The following TPO variants were observed in gnomAD, a reference collection of about 807,000 sequenced individuals.
TPO encodes the protein thyroid peroxidase, also known as thyroid microsomal antigen.
A neutral mutation model predicts 96.9 loss-of-function variants in TPO; 78 were observed. The observed-to-expected ratio is 0.81, with a 90% CI of 0.67 to 0.97. The LOEUF (loss-of-function observed/expected upper bound fraction) is 0.97, where lower values mean the gene tolerates loss of function less well. Ranked by LOEUF, TPO falls within the 50% of genes least tolerant of loss-of-function variation. The pLI is 0.00. For missense variants in TPO, 1,252 were observed against 1,274.8 expected, an observed-to-expected ratio of 0.98 and a Z score of 0.27; for synonymous variants, 547 against 538.0, an observed-to-expected ratio of 1.02 and a Z score of -0.23.
chr2:1,542,758 C>CTA lies in TPO; in HGVS notation c.*284_*285insTA, dbSNP rs1217371984. 47 of 836,828 alleles carry CTA rather than the reference C, an allele frequency of 5.6e-5. No individual in the cohort carries two copies. The African/African-American group carries it at 7.5e-4, about 13-fold the overall frequency. 51.8% of individuals were successfully genotyped at this position (836,828 alleles called of 1,614,324 possible). Reference sequence around the variant, plus strand: ...CTTTATTTTGTGAACCCTGGAAACACCACTCTTGCAATCCTCCTGTCTCCA... The same window carrying CTA: ...CTTTATTTTGTGAACCCTGGAAACACTACACTCTTGCAATCCTCCTGTCTCCA... On this transcript the variant is annotated 3_prime_UTR_variant, in exon 17 of 17. Transcript: ENST00000329066.
At position 1,456,274 on chromosome 2, in the gene TPO, C is replaced by T; in HGVS notation, c.811C>T (p.Pro271Ser). The T allele has an allele frequency of 1.2e-6, 2 of 1,614,086 alleles. No homozygotes were observed. Among genetic ancestry groups the T allele is most frequent in the Non-Finnish European group, 8.5e-7 (1 of 1,179,996 alleles). The change falls in exon 7 of 17, where the codon CCC (proline) becomes TCC (serine). Residue 271 changes from proline to serine, a missense_variant. By Grantham distance (74) the Pro-to-Ser change is moderately conservative. Coordinates refer to ENST00000329066, the MANE Select transcript of TPO (RefSeq NM_001206744.2). ...TTGTGAGAACCAAAACCCATGTTTT[C>T]CCATACAAGTAAGTTTTAGAAAACG... Reference protein sequence around the residue: ...MTCENQNPCFPIQLPEEARPA... With the variant: ...MTCENQNPCFSIQLPEEARPA...
intron 13 of TPO, among the ~76,000 whole-genome samples, chr2:1,497,051 T>C (rs1263516643): frequency 6.6e-6 from 1 of 152,136 alleles, no homozygotes; most frequent in Non-Finnish European, 1.5e-5. Context: ...GGCAAAGTTG[T>C]GGTGAACTCG....
chr2:1,437,074 T>C (rs1665650602), intron 5 of TPO, among the ~76,000 whole-genome samples: 1 of 152,150 alleles, frequency 6.6e-6, no homozygotes, highest in African/African-American at 2.4e-5. Flanking sequence ...GGGTTCAGAA[T>C]GGTTTTCTGA....
At position 1,492,235 on chromosome 2, in the gene TPO, A is replaced by C. The variant is rs145863670; in HGVS notation, c.1769-1567A>C. On this transcript the variant is annotated intron_variant, in intron 10 of 16. Transcript: ENST00000329066. ...AATGGGGTGATCTCGGCTCACGGCA[A>C]CCTCCGTCTCCCAGGTTCAAGCAAT... is the stretch of plus-strand genomic sequence containing the variant. Among the ~76,000 whole-genome samples the C allele has an allele frequency of 1.4e-3, 219 of 152,106 alleles. 1 individual carries two copies. Among genetic ancestry groups the C allele is most frequent in the African/African-American group, 5.2e-3 (217 of 41,476 alleles).
At chr2:1,504,537 C>T (rs1673212127) in intron 14 of TPO, among the ~76,000 whole-genome samples, 1 of 152,252 alleles carries the variant, frequency 6.6e-6, no homozygotes, top group East Asian at 1.9e-4. Context: ...CCCCGCCCGG[C>T]ATGGGGCCTG....
intron 14 of TPO, 49 bp from the exon 15 acceptor site, chr2:1,516,834 G>A (rs1385427342): frequency 1.3e-6 from 2 of 1,584,054 alleles, no homozygotes; most frequent in Admixed American, 1.7e-5. Context: ...AACCTGGCTT[G>A]CCCAGGCCCT....
At chr2:1,454,233 T>C (rs1460911828) in intron 6 of TPO, among the ~76,000 whole-genome samples, 1 of 152,224 alleles carries the variant, frequency 6.6e-6, no homozygotes, top group Admixed American at 6.5e-5. Flanking sequence ...TGGACACTCA[T>C]AGCCTAGTAG....
At chr2:1,409,602 G>T (rs891187642), upstream of TPO, among the ~76,000 whole-genome samples, 2 of 152,046 alleles carry the variant, frequency 1.3e-5, no homozygotes, top group African/African-American at 4.8e-5. Context: ...ATCCAATGCT[G>T]GTGATTACAT....
At chr2:1,480,849 A>ACCTTCC (rs1491437363) in intron 8 of TPO, among the ~76,000 whole-genome samples, 1 of 151,402 alleles carries the variant, frequency 6.6e-6, no homozygotes, top group Non-Finnish European at 1.5e-5. Flanking sequence ...TGTCCTCACC[A>ACCTTCC]TACCCACTCT....
At chr2:1,520,027 A>G (rs956787499) in intron 15 of TPO, among the ~76,000 whole-genome samples, 2 of 152,222 alleles carry the variant, frequency 1.3e-5, no homozygotes, top group African/African-American at 2.4e-5. Context: ...GCTGAAAGAT[A>G]TGAAAAAGTG....
At chr2:1,413,802 C>T in intron 1 of TPO, 2 of 947,924 alleles carry the variant, frequency 2.1e-6, no homozygotes, top group South Asian at 9.7e-5. Context: ...TGGTGCTATC[C>T]TGCTTAACAA....
At chr2:1,419,108 A>C (rs1207975750) in intron 2 of TPO, among the ~76,000 whole-genome samples, 1 of 152,204 alleles carries the variant, frequency 6.6e-6, no homozygotes, top group Non-Finnish European at 1.5e-5. Flanking sequence ...TTTTATGAAC[A>C]ATATGAATAT....
intron 11 of TPO, 131 bp from the exon 12 acceptor site, chr2:1,495,858 C>T (rs184033139): frequency 2.0e-4 from 211 of 1,038,686 alleles, no homozygotes; most frequent in African/African-American, 1.6e-3. Flanking sequence ...TGTGTGGCCC[C>T]GGGTGCTGGG....
intron 4 of TPO, among the ~76,000 whole-genome samples, chr2:1,434,581 C>T (rs1239166425): frequency 6.6e-6 from 1 of 152,196 alleles, no homozygotes; most frequent in Non-Finnish European, 1.5e-5. Flanking sequence ...TCCTGTCAGG[C>T]CTCCTATGGA....
chr2:1,377,343 A>G (rs536826070), intron 1 of TPO, among the ~76,000 whole-genome samples: 31 of 152,352 alleles, frequency 2.0e-4, no homozygotes, highest in Admixed American at 5.2e-4. Flanking sequence ...AGGATAATAC[A>G]GGGAGCCATG....
intron 1 of TPO, among the ~76,000 whole-genome samples, chr2:1,379,125 C>G (rs923236773): frequency 6.6e-6 from 1 of 152,042 alleles, no homozygotes; most frequent in African/African-American, 2.4e-5. Flanking sequence ...GCCAACATGT[C>G]GAAACCCAGT....
At chr2:1,534,006 C>G (rs1678934378) in intron 15 of TPO, among the ~76,000 whole-genome samples, 1 of 100,544 alleles carries the variant, frequency 9.9e-6, no homozygotes, top group Non-Finnish European at 2.1e-5. Context: ...TCTGTGTAAT[C>G]TCCCCAAATC....
intron 13 of TPO, among the ~76,000 whole-genome samples, chr2:1,497,561 C>T (rs971971293): frequency 6.6e-6 from 1 of 152,190 alleles, no homozygotes; most frequent in East Asian, 1.9e-4. Flanking sequence ...ACTGCCCTGC[C>T]ACAAAACCTG....
At chr2:1,418,682 G>T (rs549920084) in intron 2 of TPO, among the ~76,000 whole-genome samples, 2 of 152,298 alleles carry the variant, frequency 1.3e-5, no homozygotes, top group African/African-American at 2.4e-5. Flanking sequence ...GCAACATCAA[G>T]ATTTATGTGC....
Sources: allele counts gnomAD v4.1 joint callset (sites outside exome capture counted in the v4.1 genomes callset), GRCh38; gene constraint gnomAD v4.1.1; transcripts MANE v1.5; gene names NCBI Gene and HGNC (gene_info 2026-07-23, HGNC 2026-07-21).